Variants in PCDHA12 observed in about 807,000 individuals in gnomAD.
PCDHA12 encodes protocadherin alpha 12.
In PCDHA12, 44 loss-of-function variants were observed where a neutral mutation model predicts 60.0. The observed-to-expected ratio is 0.73, with a 90% CI of 0.58 to 0.94. The LOEUF (loss-of-function observed/expected upper bound fraction) is 0.94. Ranked by LOEUF, PCDHA12 falls within the 40% of genes least tolerant of loss-of-function variation. The probability of loss-of-function intolerance (pLI) is 0.00; values close to 1 mark genes in which losing one functional copy is unlikely to be tolerated. For synonymous variants in PCDHA12, 569 were observed against 553.0 expected (o/e 1.03, Z -0.40); for missense variants, 1,276 against 1,239.7 (o/e 1.03, Z -0.44).
At chr5:140,911,365 TG>T (rs1554194694) in intron 1 of PCDHA12, among the ~76,000 whole-genome samples, 1 of 152,218 alleles carries the variant, frequency 6.6e-6, no homozygotes, top group East Asian at 1.9e-4. Flanking sequence ...AGTAGACACC[TG>T]GCAAGGCTGT....
chr5:140,972,754 C>T (rs782389999), intron 1 of PCDHA12, among the ~76,000 whole-genome samples: 1 of 151,316 alleles, frequency 6.6e-6, no homozygotes, highest in African/African-American at 2.4e-5. Flanking sequence ...ACCTCCGCCT[C>T]CCAAGTTAAA....
intron 1 of PCDHA12, among the ~76,000 whole-genome samples, chr5:140,896,285 G>T (rs1392495241): frequency 1.3e-5 from 2 of 152,202 alleles, no homozygotes; most frequent in African/African-American, 2.4e-5. Context: ...GGCTTGAATG[G>T]TAAGTTCTTT....
intron 1 of PCDHA12, among the ~76,000 whole-genome samples, chr5:140,936,322 A>C (rs1225268806): frequency 2.6e-5 from 4 of 152,196 alleles, no homozygotes; most frequent in Admixed American, 6.5e-5. Context: ...CTGACATGCT[A>C]TAAATTTTCT....
chr5:140,877,027 G>T lies in PCDHA12; in HGVS notation c.1555G>T (p.Ala519Ser), dbSNP rs376609696. 1.3e-4 allele frequency: 211 copies of T among 1,612,282 alleles called. No individual in the cohort carries two copies. Among genetic ancestry groups the T allele is most frequent in the Admixed American group, 2.7e-4 (16 of 60,002 alleles). Residue 519 changes from alanine to serine, a missense_variant, in exon 1 of 4, where the codon GCG (alanine) becomes TCG (serine). Coordinates refer to ENST00000398631, the MANE Select transcript of PCDHA12 (RefSeq NM_018903.4). ...GCACGCGGAGAGCGGCAAGGTGTAC[G>T]CGCTGCAGCCGCTAGACCACGAGGA... ...SVHAESGKVY[A>S]LQPLDHEELE...
chr5:140,908,050 G>A (rs1554193217), intron 1 of PCDHA12, among the ~76,000 whole-genome samples: 1 of 152,120 alleles, frequency 6.6e-6, no homozygotes, highest in African/African-American at 2.4e-5. Context: ...TGCACATCCG[G>A]CCATTTCTCC....
intron 2 of PCDHA12, among the ~76,000 whole-genome samples, chr5:140,981,116 A>G (rs533489885): frequency 6.6e-6 from 1 of 152,344 alleles, no homozygotes; most frequent in African/African-American, 2.4e-5. Flanking sequence ...TCTACTGGAT[A>G]TGTTGTTTGA....
chr5:140,982,224 A>G (rs893184323), intron 2 of PCDHA12: 8 of 587,202 alleles, frequency 1.4e-5, no homozygotes, highest in South Asian at 3.8e-5. Flanking sequence ...TGGCGTTAAT[A>G]AAAAACAGAA....
In PCDHA12 at chr5:141,010,436, G is replaced by C; in HGVS notation, c.*499G>C. 2 of 1,038,344 alleles carry C rather than the reference G, an allele frequency of 1.9e-6. No individual in the cohort carries two copies. Among genetic ancestry groups the C allele is most frequent in the Admixed American group, 5.8e-5 (2 of 34,296 alleles). The allele number at this position is 1,038,344 out of a possible 1,614,324, so 64.3% of individuals were successfully genotyped here. A position where few individuals can be genotyped will look rare whatever the true frequency, so the allele number is the denominator to read the frequency against. On this transcript the variant is annotated 3_prime_UTR_variant, in exon 4 of 4. Coordinates refer to ENST00000398631, the MANE Select transcript of PCDHA12 (RefSeq NM_018903.4). The stretch of plus-strand genomic sequence containing the variant: ...GGTACAAGGAAGGCAAGAAAACAAA[G>C]ACAAATAAACAGCGGAAGTTATCAG...
chr5:140,963,551 G>C (rs2095774327), intron 1 of PCDHA12, among the ~76,000 whole-genome samples: 1 of 152,158 alleles, frequency 6.6e-6, no homozygotes, highest in African/African-American at 2.4e-5. Flanking sequence ...GATATAAAAA[G>C]GGGCTGTTTT....
chr5:140,908,967 G>C (rs1039870615), intron 1 of PCDHA12, among the ~76,000 whole-genome samples: 4 of 152,076 alleles, frequency 2.6e-5, no homozygotes, highest in Non-Finnish European at 5.9e-5. Context: ...ATCTTGATAG[G>C]CCCCACTCCA....
chr5:140,884,589 C>T, intron 1 of PCDHA12: 1 of 1,614,146 alleles, frequency 6.2e-7, no homozygotes, highest in Non-Finnish European at 8.5e-7. Flanking sequence ...GCCTTCAGTC[C>T]CAGCCTTCCT....
intron 1 of PCDHA12, among the ~76,000 whole-genome samples, chr5:140,893,392 C>T (rs116952410): frequency 6.6e-6 from 1 of 152,112 alleles, no homozygotes; most frequent in African/African-American, 2.4e-5. Context: ...GTGGCTCATG[C>T]CTGTAATCCC....
intron 1 of PCDHA12, among the ~76,000 whole-genome samples, chr5:140,900,073 G>C (rs1490261769): frequency 6.6e-6 from 1 of 152,072 alleles, no homozygotes; most frequent in South Asian, 2.1e-4. Context: ...GCCTCCAAAA[G>C]TGCTGCAGTT....
At chr5:140,906,693 G>T (rs887867103) in intron 1 of PCDHA12, among the ~76,000 whole-genome samples, 3 of 152,082 alleles carry the variant, frequency 2.0e-5, no homozygotes, top group African/African-American at 7.2e-5. Flanking sequence ...GAAGGATCTG[G>T]GCCATTTGTA....
chr5:140,937,916 A>T (rs903757303), intron 1 of PCDHA12, among the ~76,000 whole-genome samples: 37 of 152,106 alleles, frequency 2.4e-4, no homozygotes, highest in Non-Finnish European at 1.8e-4. Flanking sequence ...CGTCTCAAAA[A>T]AAAAAAAAAA....
intron 1 of PCDHA12, among the ~76,000 whole-genome samples, chr5:140,918,603 A>G (rs2078773753): frequency 6.6e-6 from 1 of 152,252 alleles, no homozygotes; most frequent in African/African-American, 2.4e-5. Context: ...AGATGTTGCT[A>G]TGATATGAAT....
intron 1 of PCDHA12, among the ~76,000 whole-genome samples, chr5:140,976,863 T>G (rs116630325): frequency 0.028 from 4,205 of 152,320 alleles, 87 homozygotes; most frequent in Non-Finnish European, 0.044. Flanking sequence ...GAGTTTACTG[T>G]CTGACAAAGA....
intron 1 of PCDHA12, among the ~76,000 whole-genome samples, chr5:140,949,914 C>T (rs941651578): frequency 1.3e-5 from 2 of 151,190 alleles, no homozygotes; most frequent in African/African-American, 4.8e-5. Context: ...TTAGATATAA[C>T]TATTTTTAGA....
At chr5:140,972,316 G>T (rs2096531069) in intron 1 of PCDHA12, among the ~76,000 whole-genome samples, 2 of 139,864 alleles carry the variant, frequency 1.4e-5, no homozygotes, top group South Asian at 2.3e-4. Flanking sequence ...GTTTTTAGGT[G>T]TTTTTTTTTT....
Sources: allele counts gnomAD v4.1 joint callset (sites outside exome capture counted in the v4.1 genomes callset), GRCh38; gene constraint gnomAD v4.1.1; transcripts MANE v1.5; gene names NCBI Gene and HGNC (gene_info 2026-07-23, HGNC 2026-07-21).